The following TIAM2 variants were observed in gnomAD, a reference collection of about 807,000 sequenced individuals.
TIAM2 encodes the protein rho guanine nucleotide exchange factor TIAM2.
A neutral mutation model predicts 152.9 loss-of-function variants in TIAM2; 80 were observed. That is an observed-to-expected ratio of 0.52 (90% CI 0.44 to 0.63). The LOEUF (loss-of-function observed/expected upper bound fraction) is 0.63. Ranked by LOEUF, TIAM2 falls within the 30% of genes least tolerant of loss-of-function variation. TIAM2 has a pLI of 0.00. For synonymous variants in TIAM2, 804 were observed against 838.0 expected (o/e 0.96, Z 0.70); for missense variants, 1,965 against 2,120.1 (o/e 0.93, Z 1.44).
intron 1 of TIAM2, among the ~76,000 whole-genome samples, chr6:155,071,684 C>T (rs538134004): frequency 7.2e-4 from 110 of 152,216 alleles, no homozygotes; most frequent in African/African-American, 2.6e-3. Context: ...CACCTGAGGT[C>T]AGGAGTTCAA....
chr6:155,150,118 A>G (rs1779918679), intron 7 of TIAM2, among the ~76,000 whole-genome samples: 1 of 151,584 alleles, frequency 6.6e-6, no homozygotes, highest in African/African-American at 2.4e-5. Context: ...TCCTTTTCTC[A>G]TATCTCATGT....
At chr6:155,148,800 C>T (rs1423023920) in intron 7 of TIAM2, among the ~76,000 whole-genome samples, 2 of 152,118 alleles carry the variant, frequency 1.3e-5, no homozygotes, top group African/African-American at 2.4e-5. Flanking sequence ...CAGAGAAGCA[C>T]GTAACGAAAT....
At chr6:155,137,097 A>G in intron 4 of TIAM2, 80 bp from the exon 5 acceptor site, 3 of 1,443,664 alleles carry the variant, frequency 2.1e-6, no homozygotes, top group Non-Finnish European at 2.8e-6. Context: ...AGCCACTGGT[A>G]TTACACTTAT....
chr6:155,116,915 C>CT (rs1779027242), intron 2 of TIAM2, among the ~76,000 whole-genome samples: 1 of 151,950 alleles, frequency 6.6e-6, no homozygotes, highest in Non-Finnish European at 1.5e-5. Flanking sequence ...AGCTTTAGGT[C>CT]TTTTGAATCT....
At chr6:155,091,844 T>C (rs1223659812) in intron 2 of TIAM2, among the ~76,000 whole-genome samples, 3 of 152,226 alleles carry the variant, frequency 2.0e-5, no homozygotes, top group African/African-American at 7.2e-5. Context: ...TCAGACTGCC[T>C]GAGTTCTTTG....
At chr6:155,094,891 A>T (rs920921741) in intron 2 of TIAM2, among the ~76,000 whole-genome samples, 2 of 151,678 alleles carry the variant, frequency 1.3e-5, no homozygotes, top group African/African-American at 4.8e-5. Context: ...CTTCGCTCAT[A>T]TATTTAAATA....
intron 15 of TIAM2, among the ~76,000 whole-genome samples, chr6:155,234,916 G>C (rs1391071243): frequency 6.6e-6 from 1 of 152,102 alleles, no homozygotes; most frequent in African/African-American, 2.4e-5. Context: ...AGATTGCTTT[G>C]CCTGTGCTCT....
chr6:155,137,504 C>A lies in TIAM2; in HGVS notation c.1522C>A (p.Arg508=). The A allele has an allele frequency of 1.2e-6, 2 of 1,614,128 alleles. No individual in the cohort carries two copies. Among genetic ancestry groups the A allele is most frequent in the Middle Eastern group, 3.3e-4 (2 of 6,062 alleles). The change falls in exon 5 of 27, where the codon CGG becomes AGG. Residue 508 remains arginine, a synonymous_variant. Transcript: ENST00000682666. ...CTTTGAGAAGGAACAGGGGGTGGTC[C>A]GGAAGGCCGGGTGGCTCTTCTTCAA... ...LLFEKEQGVV[R]KAGWLFFKPL...
chr6:155,059,294 CTGTGTGTG>C (rs56013145), intron 1 of TIAM2, among the ~76,000 whole-genome samples: 101 of 117,306 alleles, frequency 8.6e-4, no homozygotes, highest in African/African-American at 2.7e-3. Context: ...GTGTGTGTGT[CTGTGTGTG>C]TGTGTGTGTG....
chr6:155,131,254 G>T (rs9480064), intron 4 of TIAM2, among the ~76,000 whole-genome samples: 60,182 of 151,664 alleles, frequency 0.4, 12,878 homozygotes, highest in Admixed American at 0.48. Context: ...GAGCTACTCA[G>T]GAGGCTGAGG....
Position 155,257,633 on chromosome 6 carries a change from AG to A in TIAM2, c.*513del. On this transcript the variant is annotated 3_prime_UTR_variant, in exon 27 of 27. Coordinates refer to ENST00000682666, the MANE Select transcript of TIAM2 (RefSeq NM_012454.4). Reference sequence around the variant, plus strand: ...CTAAACATGTCATAACTATCTATACAGTATATATTAAAAGAAAGCTTGTACT... The same window carrying A: ...CTAAACATGTCATAACTATCTATACATATATATTAAAAGAAAGCTTGTACT... 1 of 595,032 alleles carries A rather than the reference AG, an allele frequency of 1.7e-6. No homozygotes were observed. The highest frequency in any genetic ancestry group is 2.9e-6 in the Non-Finnish European group (1 of 341,294). The allele number at this position is 595,032 out of a possible 1,614,324, so 36.9% of individuals were successfully genotyped here. A position where few individuals can be genotyped will look rare whatever the true frequency, so the allele number is the denominator to read the frequency against.
intron 15 of TIAM2, among the ~76,000 whole-genome samples, chr6:155,224,010 C>T (rs1415492942): frequency 5.9e-5 from 9 of 152,126 alleles, no homozygotes; most frequent in African/African-American, 1.7e-4. Flanking sequence ...GGTGTAGTGT[C>T]GCATTATTCA....
chr6:155,044,235 G>T, intron 1 of TIAM2, among the ~76,000 whole-genome samples: 1 of 152,126 alleles, frequency 6.6e-6, no homozygotes, highest in East Asian at 1.9e-4. Context: ...CAGTCACACA[G>T]GTTGTTCCTG....
intron 4 of TIAM2, among the ~76,000 whole-genome samples, chr6:155,132,380 C>T (rs989751096): frequency 9.9e-5 from 15 of 151,596 alleles, no homozygotes; most frequent in African/African-American, 2.9e-4. Context: ...ATGTATATAG[C>T]GTGTCTGCCT....
Position 155,047,679 on chromosome 6 carries a change from AGAGAGAGAG to A in TIAM2, c.-208-42600_-208-42592del, listed in dbSNP as rs1488419192. Among the ~76,000 whole-genome samples, 35 of 48,334 alleles carry A rather than the reference AGAGAGAGAG, an allele frequency of 7.2e-4. No homozygotes were observed. In the South Asian group the frequency reaches 0.016, roughly 22 times the overall value. The allele number at this position is 48,334 out of a possible 152,430, so 31.7% of individuals were successfully genotyped here. A position where few individuals can be genotyped will look rare whatever the true frequency, so the allele number is the denominator to read the frequency against. On this transcript the variant is annotated intron_variant, in intron 1 of 26. Coordinates refer to ENST00000682666, the MANE Select transcript of TIAM2 (RefSeq NM_012454.4). ...AGAGAGAGAGAGAGGAGAGAGAGAG[AGAGAGAGAG>A]GAGAGAGAGAGAGAGAGCGAGAGAG...
intron 2 of TIAM2, among the ~76,000 whole-genome samples, chr6:155,120,304 A>C (rs1248891847): frequency 6.6e-6 from 1 of 152,252 alleles, no homozygotes; most frequent in African/African-American, 2.4e-5. Flanking sequence ...AGTGAGGCCC[A>C]ACAATGAAAG....
intron 1 of TIAM2, among the ~76,000 whole-genome samples, chr6:155,051,337 G>A (rs1583168687): frequency 1.3e-5 from 2 of 152,192 alleles, no homozygotes; most frequent in East Asian, 3.9e-4. Flanking sequence ...TCCCATCCAT[G>A]GGTGCCCGTG....
intron 1 of TIAM2, among the ~76,000 whole-genome samples, chr6:155,008,021 C>G (rs977308574): frequency 7.2e-5 from 11 of 152,128 alleles, no homozygotes; most frequent in African/African-American, 2.7e-4. Flanking sequence ...TTTCGGCAAA[C>G]CAACAAGTGG....
intron 2 of TIAM2, among the ~76,000 whole-genome samples, chr6:155,104,040 A>ACCCCC (rs774902405): frequency 3.5e-5 from 2 of 57,720 alleles, no homozygotes; most frequent in African/African-American, 1.5e-4. Flanking sequence ...ACACACACAC[A>ACCCCC]CCCCCCCCCC....
Sources: allele counts gnomAD v4.1 joint callset (sites outside exome capture counted in the v4.1 genomes callset), GRCh38; gene constraint gnomAD v4.1.1; transcripts MANE v1.5; gene names NCBI Gene and HGNC (gene_info 2026-07-23, HGNC 2026-07-21).